The following GPD2 variants were observed in gnomAD, a reference collection of about 807,000 sequenced individuals.
GPD2 encodes the protein glycerol-3-phosphate dehydrogenase 2, also known as glycerol-3-phosphate dehydrogenase, mitochondrial.
In GPD2, 54 loss-of-function variants were observed where a neutral mutation model predicts 82.4. The observed-to-expected ratio is 0.66, with a 90% CI of 0.53 to 0.82. GPD2 has a LOEUF of 0.82. GPD2 is among the 40% of genes least tolerant of loss of function. The probability of loss-of-function intolerance (pLI) is 0.00; values close to 1 mark genes in which losing one functional copy is unlikely to be tolerated. For synonymous variants in GPD2, 288 were observed against 306.1 expected (o/e 0.94, Z 0.62); for missense variants, 748 against 896.2 (o/e 0.83, Z 2.11).
chr2:156,425,284 T>C, the GPD2 span, among the ~76,000 whole-genome samples: 1 of 152,074 alleles, frequency 6.6e-6, no homozygotes, highest in Non-Finnish European at 1.5e-5. Flanking sequence ...TTTTACTTTT[T>C]GTAGAGACAG....
intron 3 of GPD2, among the ~76,000 whole-genome samples, chr2:156,509,019 C>T (rs1684886722): frequency 6.6e-6 from 1 of 152,112 alleles, no homozygotes; most frequent in African/African-American, 2.4e-5. Context: ...TTTTGGCTCT[C>T]AATATTCTTA....
At chr2:156,454,560 G>A (rs997527831) in intron 1 of GPD2, among the ~76,000 whole-genome samples, 1 of 152,040 alleles carries the variant, frequency 6.6e-6, no homozygotes, top group African/African-American at 2.4e-5. Flanking sequence ...TGTTATTAGT[G>A]TTCAGCATCT....
chr2:156,544,128 G>A (rs530899238), intron 6 of GPD2, among the ~76,000 whole-genome samples: 1 of 152,288 alleles, frequency 6.6e-6, no homozygotes, highest in East Asian at 1.9e-4. Flanking sequence ...TATAGTCTGG[G>A]TGGGCTGGGT....
intron 14 of GPD2, 25 bp downstream of exon 14, chr2:156,579,026 T>G (rs1304075597): frequency 1.3e-6 from 2 of 1,552,928 alleles, no homozygotes; most frequent in South Asian, 1.1e-5. Context: ...TGTCTATCTA[T>G]CTCTCTTTTT....
chr2:156,496,290 G>A, intron 3 of GPD2, 75 bp downstream of exon 3: 2 of 981,656 alleles, frequency 2.0e-6, no homozygotes, highest in Non-Finnish European at 1.6e-6. Context: ...TGTTACATAG[G>A]TAAGTGTGTG....
At position 156,584,148 on chromosome 2, in the gene GPD2, T is replaced by C. The variant is rs1688130143; in HGVS notation, c.*1230T>C. 1 of 151,928 alleles carries C rather than the reference T, an allele frequency of 6.6e-6. No individual in the cohort carries two copies. Among genetic ancestry groups the C allele is most frequent in the Admixed American group, 6.6e-5 (1 of 15,222 alleles). 9.4% of individuals were successfully genotyped at this position (151,928 alleles called of 1,614,324 possible). The stretch of plus-strand genomic sequence containing the variant: ...ACACACACAGAGTCCAAAGCAAAAG[T>C]CAGTGTGTATTGAATTTAACAAGTA... On this transcript the variant is annotated 3_prime_UTR_variant, in exon 17 of 17. Transcript: ENST00000438166.
At position 156,582,784 on chromosome 2, in the gene GPD2, C is replaced by G; in HGVS notation, c.2059-9C>G. 1 of 1,612,662 alleles carries G rather than the reference C, an allele frequency of 6.2e-7. No individual in the cohort carries two copies. Among genetic ancestry groups the G allele is most frequent in the Non-Finnish European group, 8.5e-7 (1 of 1,178,886 alleles). On this transcript the variant is annotated splice_polypyrimidine_tract_variant and intron_variant, in intron 16 of 16. Coordinates refer to ENST00000438166, the MANE Select transcript of GPD2 (RefSeq NM_000408.5). ...GCGTTCTGAATCTGTTGCATATTTT[C>G]TCTTTAAGCTGATGAGTGCTATTCA...
intron 8 of GPD2, among the ~76,000 whole-genome samples, chr2:156,552,133 A>G (rs1286607702): frequency 1.3e-5 from 2 of 152,246 alleles, no homozygotes; most frequent in Non-Finnish European, 2.9e-5. Context: ...GAAAATCATT[A>G]AAGAGAATTT....
At chr2:156,457,305 G>A (rs151043135) in intron 1 of GPD2, among the ~76,000 whole-genome samples, 6 of 152,168 alleles carry the variant, frequency 3.9e-5, no homozygotes, top group African/African-American at 9.7e-5. Flanking sequence ...ACAAACCTTT[G>A]CTCAGGCTTC....
chr2:156,440,688 G>A (rs1472108846), intron 1 of GPD2, among the ~76,000 whole-genome samples: 1 of 152,106 alleles, frequency 6.6e-6, no homozygotes, highest in African/African-American at 2.4e-5. Flanking sequence ...CATGATTTCT[G>A]ATTTATTTAG....
At chr2:156,545,099 C>T (rs1410213592) in intron 6 of GPD2, among the ~76,000 whole-genome samples, 1 of 152,156 alleles carries the variant, frequency 6.6e-6, no homozygotes, top group African/African-American at 2.4e-5. Context: ...TGCATGTGCA[C>T]ACACATGAGC....
chr2:156,519,520 A>G (rs1685318808), intron 6 of GPD2, among the ~76,000 whole-genome samples: 1 of 152,246 alleles, frequency 6.6e-6, no homozygotes, highest in East Asian at 1.9e-4. Flanking sequence ...TTTGCCAACA[A>G]TTTCCAGGGC....
chr2:156,579,169 T>C lies in GPD2; in HGVS notation c.1959+5T>C. On this transcript the variant is annotated splice_donor_5th_base_variant and intron_variant, in intron 15 of 16. Transcript: ENST00000438166. ...GATGTTCAGCGTGTATTAGAGGTAA[T>C]TTTCTTTGGTTGATGTCAGCCTCTG... is the stretch of plus-strand genomic sequence containing the variant. 3 of 1,550,916 alleles carry C rather than the reference T, an allele frequency of 1.9e-6. No homozygotes were observed. The highest frequency in any genetic ancestry group is 8.9e-7 in the Non-Finnish European group (1 of 1,122,908).
chr2:156,573,404 A>ACT (rs1687708200), intron 13 of GPD2, among the ~76,000 whole-genome samples: 1 of 152,172 alleles, frequency 6.6e-6, no homozygotes, highest in African/African-American at 2.4e-5. Context: ...TAGTTTGATT[A>ACT]GCTAAAGCTC....
At chr2:156,405,798 G>A in the GPD2 span, among the ~76,000 whole-genome samples, 1 of 152,182 alleles carries the variant, frequency 6.6e-6, no homozygotes, top group Admixed American at 6.5e-5. Context: ...GAGAAGGAAA[G>A]CACTTGAGCA....
At position 156,583,132 on chromosome 2, in the gene GPD2, A is replaced by AT. The variant is rs550730379; in HGVS notation, c.*221dup. The AT allele has an allele frequency of 7.6e-5, 42 of 554,124 alleles. No homozygotes were observed. Among genetic ancestry groups the AT allele is most frequent in the African/African-American group, 6.5e-4 (34 of 52,560 alleles). 34.3% of individuals were successfully genotyped at this position (554,124 alleles called of 1,614,324 possible). A position where few individuals can be genotyped will look rare whatever the true frequency, so the allele number is the denominator to read the frequency against. ...GCCATTCAGTCTAGCTTTTAAGTAT[A>AT]TTTTTTTCTTTTTCTCATTTTCAAT... On this transcript the variant is annotated 3_prime_UTR_variant, in exon 17 of 17. Coordinates refer to ENST00000438166, the MANE Select transcript of GPD2 (RefSeq NM_000408.5).
chr2:156,546,917 TACCTGTTTA>T (rs1162812862), intron 6 of GPD2, among the ~76,000 whole-genome samples: 3 of 5,002 alleles, frequency 6.0e-4, no homozygotes, highest in Admixed American at 5.1e-3. Flanking sequence ...AGAATTTCAA[TACCTGTTTA>T]ACACAGCGAA....
intron 1 of GPD2, among the ~76,000 whole-genome samples, chr2:156,443,634 T>C (rs1682256629): frequency 6.6e-6 from 1 of 152,158 alleles, no homozygotes; most frequent in African/African-American, 2.4e-5. Context: ...TGCTGAGAGG[T>C]TTAATATCTT....
chr2:156,530,057 C>G (rs535607506), intron 6 of GPD2, among the ~76,000 whole-genome samples: 7 of 149,998 alleles, frequency 4.7e-5, no homozygotes, highest in African/African-American at 1.5e-4. Context: ...TATATTGATT[C>G]TTCCTACCCA....
Sources: allele counts gnomAD v4.1 joint callset (sites outside exome capture counted in the v4.1 genomes callset), GRCh38; gene constraint gnomAD v4.1.1; transcripts MANE v1.5; gene names NCBI Gene and HGNC (gene_info 2026-07-23, HGNC 2026-07-21).